CFAP20DC: variants seen among roughly 807,000 people sequenced by gnomAD.
The protein encoded by CFAP20DC is protein CFAP20DC.
Under a neutral mutation model 101.7 loss-of-function variants are expected in CFAP20DC, and 84 were observed. That is an observed-to-expected ratio of 0.83 (90% CI 0.69 to 0.99). CFAP20DC has a LOEUF of 0.99. Ranked by LOEUF, CFAP20DC falls within the 50% of genes least tolerant of loss-of-function variation. The pLI, the probability that CFAP20DC is intolerant of heterozygous loss-of-function variation, is 0.00. For missense variants in CFAP20DC, 1,007 were observed against 970.3 expected (o/e 1.04, Z -0.50); for synonymous variants, 359 against 351.2 (o/e 1.02, Z -0.25).
intron 4 of CFAP20DC, among the ~76,000 whole-genome samples, chr3:58,974,062 C>A (rs531777754): frequency 2.0e-5 from 3 of 152,108 alleles, no homozygotes; most frequent in Admixed American, 6.6e-5. Flanking sequence ...GGACACAGAG[C>A]AAGTGAGAGA....
intron 7 of CFAP20DC, among the ~76,000 whole-genome samples, chr3:58,883,202 CTGGCAATTGCTCTCAGGGCCAT>C (rs2081354873): frequency 6.6e-6 from 1 of 152,166 alleles, no homozygotes. Context: ...GCCAGTTTTC[CTGGCAATTGCTCTCAGGGCCAT>C]TGCTTTCCAC....
chr3:58,865,923 T>C (rs908521821), intron 11 of CFAP20DC, among the ~76,000 whole-genome samples: 4 of 152,228 alleles, frequency 2.6e-5, no homozygotes, highest in Non-Finnish European at 5.9e-5. Context: ...TCCATATCAA[T>C]TGTAATGAAT....
chr3:58,817,003 C>A (rs923736526), intron 14 of CFAP20DC, among the ~76,000 whole-genome samples: 4 of 152,180 alleles, frequency 2.6e-5, no homozygotes, highest in Non-Finnish European at 4.4e-5. Context: ...AGCAGCCTAA[C>A]TGGGAGGCAC....
intron 4 of CFAP20DC, among the ~76,000 whole-genome samples, chr3:59,023,337 A>C (rs1485994206): frequency 6.6e-6 from 1 of 152,124 alleles, no homozygotes; most frequent in Non-Finnish European, 1.5e-5. Context: ...CTGCCCTCAA[A>C]GTAATCATGT....
chr3:58,999,007 T>C (rs2093225468), intron 4 of CFAP20DC, among the ~76,000 whole-genome samples: 1 of 152,214 alleles, frequency 6.6e-6, no homozygotes, highest in African/African-American at 2.4e-5. Context: ...TCTGTTACCA[T>C]CATCTTCACT....
chr3:58,849,527 A>G (rs778776727), intron 12 of CFAP20DC, 118 bp from the exon 13 acceptor site: 66 of 772,624 alleles, frequency 8.5e-5, no homozygotes, highest in Middle Eastern at 7.6e-4. Flanking sequence ...GCATCTATAT[A>G]TAGATTTTAC....
rs1342145835 is a variant in CFAP20DC at position 58,850,198 on chromosome 3, A to G, written c.1594-789T>C. ...AAATGAGAAATGTAGTGCTATTTCA[A>G]TTGGTAGATTTTTATGTTATAAAAT... On this transcript the variant is annotated intron_variant, in intron 12 of 16. Coordinates refer to ENST00000482387, the MANE Select transcript of CFAP20DC (RefSeq NM_001394063.1). 5.3e-5 allele frequency among the ~76,000 whole-genome samples: 8 copies of G among 152,206 alleles called. No individual in the cohort carries two copies. The East Asian group carries it at 5.8e-4, about 11-fold the overall frequency.
intron 4 of CFAP20DC, among the ~76,000 whole-genome samples, chr3:58,997,513 T>C (rs1034492193): frequency 1.3e-5 from 2 of 152,224 alleles, no homozygotes; most frequent in African/African-American, 4.8e-5. Context: ...ACTAATTGAT[T>C]CTGCATATTC....
intron 16 of CFAP20DC, among the ~76,000 whole-genome samples, chr3:58,744,767 T>G (rs879827531): frequency 2.6e-5 from 4 of 152,094 alleles, no homozygotes; most frequent in African/African-American, 4.8e-5. Context: ...GCCATTTTTT[T>G]GGGGAGGCTT....
chr3:58,756,725 G>T (rs1464673410), intron 15 of CFAP20DC, among the ~76,000 whole-genome samples: 1 of 151,936 alleles, frequency 6.6e-6, no homozygotes. Context: ...CATTAGTTCT[G>T]GTGTTGCCTT....
At chr3:58,931,949 A>T (rs1016287139) in intron 5 of CFAP20DC, among the ~76,000 whole-genome samples, 2 of 152,240 alleles carry the variant, frequency 1.3e-5, no homozygotes, top group Admixed American at 1.3e-4. Flanking sequence ...GTTGAGGAAG[A>T]AGGCTTCAGA....
At chr3:59,031,295 G>T (rs1280435916) in intron 4 of CFAP20DC, among the ~76,000 whole-genome samples, 1 of 152,132 alleles carries the variant, frequency 6.6e-6, no homozygotes, top group African/African-American at 2.4e-5. Context: ...TGATCAAAAG[G>T]CCAACTACCA....
intron 15 of CFAP20DC, among the ~76,000 whole-genome samples, chr3:58,803,303 T>G (rs2073839411): frequency 6.6e-6 from 1 of 152,248 alleles, no homozygotes. Flanking sequence ...CTGCTTTTTA[T>G]GTATTGTTCA....
At chr3:58,910,548 CT>C (rs1371749914) in intron 6 of CFAP20DC, among the ~76,000 whole-genome samples, 2 of 152,064 alleles carry the variant, frequency 1.3e-5, no homozygotes, top group Non-Finnish European at 1.5e-5. Context: ...AGGATCTTCT[CT>C]TTATCTTTCC....
intron 5 of CFAP20DC, among the ~76,000 whole-genome samples, chr3:58,917,366 C>T (rs2084848229): frequency 6.6e-6 from 1 of 152,118 alleles, no homozygotes; most frequent in Admixed American, 6.5e-5. Context: ...CCCTATGCTC[C>T]TATTCTCTGC....
intron 15 of CFAP20DC, among the ~76,000 whole-genome samples, chr3:58,798,469 T>A (rs566691854): frequency 6.6e-6 from 1 of 152,236 alleles, no homozygotes; most frequent in South Asian, 2.1e-4. Flanking sequence ...CTGCTTCTTA[T>A]GGTAAGCAAA....
At chr3:58,848,146 AC>A (rs1362354516) in intron 13 of CFAP20DC, among the ~76,000 whole-genome samples, 1 of 93,510 alleles carries the variant, frequency 1.1e-5, no homozygotes, top group Non-Finnish European at 2.0e-5. Context: ...GTGCACATGT[AC>A]CCTAAAACTT....
intron 14 of CFAP20DC, among the ~76,000 whole-genome samples, chr3:58,820,191 G>A (rs1177078341): frequency 6.9e-4 from 104 of 151,462 alleles, no homozygotes; most frequent in African/African-American, 2.4e-3. Context: ...ATATCATACT[G>A]AATGGGAAAA....
chr3:58,905,819 A>T (rs1042428978), intron 6 of CFAP20DC, among the ~76,000 whole-genome samples: 4 of 152,196 alleles, frequency 2.6e-5, no homozygotes, highest in Non-Finnish European at 4.4e-5. Context: ...AAGACAAAAG[A>T]TATCTGTTAC....
Sources: allele counts gnomAD v4.1 joint callset (sites outside exome capture counted in the v4.1 genomes callset), GRCh38; gene constraint gnomAD v4.1.1; transcripts MANE v1.5; gene names NCBI Gene and HGNC (gene_info 2026-07-23, HGNC 2026-07-21).